MBP: variants seen among roughly 807,000 people sequenced by gnomAD.
MBP encodes the protein myelin basic protein, also known as Golli-MBP.
Under a neutral mutation model 35.8 loss-of-function variants are expected in MBP, and 16 were observed. The ratio of observed to expected loss-of-function variants is 0.45; its 90% confidence interval spans 0.30 to 0.68. The LOEUF is 0.68. Among genes scored for constraint, MBP ranks in the 30% least tolerant of loss-of-function variants. The pLI, the probability that MBP is intolerant of heterozygous loss-of-function variation, is 0.08. For synonymous variants in MBP, 143 were observed against 159.6 expected (o/e 0.90, Z 0.78); for missense variants, 380 against 404.7 (o/e 0.94, Z 0.52).
At chr18:77,014,537 CAG>C (rs1409581892) in intron 4 of MBP, 5 of 985,460 alleles carry the variant, frequency 5.1e-6, no homozygotes, top group Non-Finnish European at 6.0e-6. Flanking sequence ...CATATAAAAA[CAG>C]GGGCTCTCCT....
chr18:77,100,487 G>A (rs867113692), intron 2 of MBP, among the ~76,000 whole-genome samples: 5 of 151,488 alleles, frequency 3.3e-5, no homozygotes, highest in Non-Finnish European at 5.9e-5. Context: ...CAGTGTTAGC[G>A]CTGGCCTAGA....
At chr18:77,034,356 C>T (rs1222290692) in intron 3 of MBP, among the ~76,000 whole-genome samples, 1 of 152,102 alleles carries the variant, frequency 6.6e-6, no homozygotes. Context: ...TGGGTTCCCT[C>T]CCAGAGCCTC....
intron 8 of MBP, chr18:76,984,000 GGGCTC>G (rs1969376019): frequency 6.6e-6 from 1 of 152,208 alleles, no homozygotes; most frequent in African/African-American, 2.4e-5. Flanking sequence ...AGGTGCCTGG[GGGCTC>G]CCAGAGCCTT....
At chr18:77,098,360 A>G (rs1975855833) in intron 2 of MBP, among the ~76,000 whole-genome samples, 1 of 151,984 alleles carries the variant, frequency 6.6e-6, no homozygotes, top group African/African-American at 2.4e-5. Flanking sequence ...GCCCAAGATC[A>G]CCCAACTAGC....
At chr18:77,030,540 A>G (rs369227799) in intron 3 of MBP, among the ~76,000 whole-genome samples, 2 of 152,374 alleles carry the variant, frequency 1.3e-5, no homozygotes, top group African/African-American at 4.8e-5. Flanking sequence ...CTGGTTTTCT[A>G]GCCCACAGTT....
chr18:77,060,044 A>G (rs1383718721), intron 3 of MBP, among the ~76,000 whole-genome samples: 1 of 152,218 alleles, frequency 6.6e-6, no homozygotes, highest in Non-Finnish European at 1.5e-5. Flanking sequence ...GTGGTGGCTC[A>G]TGCCTGTAAT....
intron 3 of MBP, among the ~76,000 whole-genome samples, chr18:77,051,950 A>G (rs979825552): frequency 6.6e-6 from 1 of 152,176 alleles, no homozygotes; most frequent in African/African-American, 2.4e-5. Flanking sequence ...TTCATCTGAG[A>G]AACCCAGGGA....
chr18:77,080,070 G>A lies in MBP; in HGVS notation c.52-13685C>T, dbSNP rs749151336. Among the ~76,000 whole-genome samples the A allele has an allele frequency of 2.0e-5, 3 of 152,164 alleles. No homozygotes were observed. In the East Asian group the frequency reaches 5.8e-4, roughly 29 times the overall value. ...AAATCCTTTAAGAACTGAAGTATCA[G>A]CCCAGGAATAAACTGTGTGTGTGCT... On this transcript the variant is annotated intron_variant, in intron 2 of 8. Coordinates refer to ENST00000355994, the MANE Select transcript of MBP (RefSeq NM_001025101.2).
In MBP at chr18:76,988,707, A is replaced by T; in HGVS notation, c.717+170T>A. On this transcript the variant is annotated intron_variant, in intron 6 of 8. Coordinates refer to ENST00000355994, the MANE Select transcript of MBP (RefSeq NM_001025101.2). The surrounding 1 kb of genome is among the most constrained non-coding windows in gnomAD (Gnocchi z 5.2). ...GCGGCTGTGCAGGTGCGGGAGGGAC[A>T]GGAGGGGTGCATGGATCTGCCGACC... 1 of 1,352,842 alleles carries T rather than the reference A, an allele frequency of 7.4e-7. No homozygotes were observed. Among genetic ancestry groups the T allele is most frequent in the Non-Finnish European group, 1.0e-6 (1 of 988,766 alleles). 83.8% of individuals were successfully genotyped at this position (1,352,842 alleles called of 1,614,324 possible).
chr18:77,006,766 C>T (rs149413233), intron 4 of MBP: 57 of 152,206 alleles, frequency 3.7e-4, no homozygotes, highest in African/African-American at 1.2e-3. Flanking sequence ...AGCAGGGTCC[C>T]GTGCTGGAGG....
chr18:76,993,182 C>T (rs1002963737), intron 4 of MBP, among the ~76,000 whole-genome samples: 3 of 152,178 alleles, frequency 2.0e-5, no homozygotes, highest in Admixed American at 6.5e-5. Context: ...GCATGGTCCA[C>T]GTTCTGAAAA....
chr18:76,984,877 T>G lies in MBP; in HGVS notation c.768A>C (p.Arg256Ser), dbSNP rs1969445750. ...SRFSWGAEGQ[R>S]PGFGYGGRAS... ...CTCTGCCTCCGTAGCCAAATCCTGG[T>G]CTCTGGCCTTCGGCCCCCTGCAAGA... The change falls in exon 8 of 9, where the codon AGA becomes AGC. Residue 256 changes from arginine (R) to serine (S), a missense_variant. Coordinates refer to ENST00000355994, the MANE Select transcript of MBP (RefSeq NM_001025101.2). 1 of 1,613,494 alleles carries G rather than the reference T, an allele frequency of 6.2e-7. No homozygotes were observed. Among genetic ancestry groups the G allele is most frequent in the Non-Finnish European group, 8.5e-7 (1 of 1,180,048 alleles).
At chr18:77,023,498 C>G (rs886822647) in intron 3 of MBP, among the ~76,000 whole-genome samples, 4 of 152,184 alleles carry the variant, frequency 2.6e-5, no homozygotes, top group African/African-American at 9.7e-5. Context: ...GGCTAATTCC[C>G]TCATCTCCAG....
At chr18:77,045,855 T>C (rs1973228949) in intron 3 of MBP, among the ~76,000 whole-genome samples, 1 of 152,058 alleles carries the variant, frequency 6.6e-6, no homozygotes, top group Non-Finnish European at 1.5e-5. Flanking sequence ...TCCTGGAAAG[T>C]GGATGGTGCC....
chr18:77,022,041 T>C (rs1378240305), intron 3 of MBP, among the ~76,000 whole-genome samples: 1 of 152,178 alleles, frequency 6.6e-6, no homozygotes, highest in Non-Finnish European at 1.5e-5. Context: ...CGTGGATGTT[T>C]GCACACTTAC....
At chr18:77,077,387 TC>T (rs1974708145) in intron 2 of MBP, among the ~76,000 whole-genome samples, 1 of 148,976 alleles carries the variant, frequency 6.7e-6, no homozygotes, top group Non-Finnish European at 1.5e-5. Flanking sequence ...TTAAAACAAT[TC>T]TTTTCTTGAT....
intron 4 of MBP, among the ~76,000 whole-genome samples, chr18:77,009,656 A>G (rs1444534107): frequency 1.3e-5 from 2 of 152,144 alleles, no homozygotes; most frequent in Non-Finnish European, 2.9e-5. Flanking sequence ...CCTCTTGGGC[A>G]TTTGTCTCTT....
Position 77,038,464 on chromosome 18 carries a change from G to A in MBP, c.140-21196C>T, listed in dbSNP as rs370888915. On this transcript the variant is annotated intron_variant, in intron 3 of 8. Transcript: ENST00000355994. ...AGTAGTGGCCCTTACTCAACAGCAC[G>A]CTGGCAGTAGAAAGGCAAACCCTTT... 3.3e-5 allele frequency among the ~76,000 whole-genome samples: 5 copies of A among 152,278 alleles called. No individual in the cohort carries two copies. In the South Asian group the frequency reaches 6.2e-4, roughly 19 times the overall value.
At chr18:76,987,381 C>G (rs1969616506) in intron 7 of MBP, 1 of 985,292 alleles carries the variant, frequency 1.0e-6, no homozygotes, top group African/African-American at 1.7e-5. Context: ...TCAGAAAAAG[C>G]AAGTCAAATA....
Sources: gnomAD v4.1 joint callset for allele counts (sites outside exome capture counted in the v4.1 genomes callset) on GRCh38, gnomAD v4.1.1 for gene constraint, Gnocchi (gnomAD v3.1) non-coding constraint, MANE v1.5 for transcripts, NCBI Gene and HGNC (gene_info 2026-07-23, HGNC 2026-07-21) for gene names.